The following SLC24A4 variants were observed in gnomAD, a reference collection of about 807,000 sequenced individuals.
SLC24A4 encodes the protein solute carrier family 24 member 4.
SLC24A4 carries 53 observed loss-of-function variants against 79.0 expected under a neutral mutation model. The observed-to-expected ratio is 0.67, with a 90% CI of 0.54 to 0.84. The LOEUF is 0.84. Ranked by LOEUF, SLC24A4 falls within the 40% of genes least tolerant of loss-of-function variation. The pLI is 0.00. For missense variants in SLC24A4, 731 were observed against 822.0 expected, an observed-to-expected ratio of 0.89 and a Z score of 1.35; for synonymous variants, 323 against 323.8, an observed-to-expected ratio of 1.00 and a Z score of 0.03.
intron 2 of SLC24A4, among the ~76,000 whole-genome samples, chr14:92,380,211 A>C (rs1168755985): frequency 6.6e-6 from 1 of 152,212 alleles, no homozygotes; most frequent in Admixed American, 6.5e-5. Context: ...GGCCAGAGGT[A>C]GAGCACCCAC....
chr14:92,493,908 A>C lies in SLC24A4; in HGVS notation c.*280A>C. The C allele has an allele frequency of 2.2e-6, 1 of 454,106 alleles. No individual in the cohort carries two copies. Among genetic ancestry groups the C allele is most frequent in the South Asian group, 2.8e-5 (1 of 36,032 alleles). 28.1% of individuals were successfully genotyped at this position (454,106 alleles called of 1,614,324 possible). The stretch of plus-strand genomic sequence containing the variant: ...AGCTGCCAACCACGGAGATGTGCCA[A>C]GCATCTCATCTCTCCTGCACACTTT... On this transcript the variant is annotated 3_prime_UTR_variant, in exon 17 of 17. Transcript: ENST00000532405.
At chr14:92,351,144 C>T (rs1219146489) in intron 2 of SLC24A4, among the ~76,000 whole-genome samples, 1 of 152,036 alleles carries the variant, frequency 6.6e-6, no homozygotes, top group Non-Finnish European at 1.5e-5. Flanking sequence ...AAGACATAAC[C>T]CTTGGGTACA....
rs769153058 is a variant in SLC24A4 at position 92,453,900 on chromosome 14, T to C, written c.881T>C (p.Val294Ala). ...DDPSVPLLGQ[V>A]KEKPQYGKNP... Reference sequence around the variant, plus strand: ...CTAATCACGGTGTTGCGCTCAACAGTGAAGGAGAAGCCACAGTATGGCAAG... The same window carrying C: ...CTAATCACGGTGTTGCGCTCAACAGCGAAGGAGAAGCCACAGTATGGCAAG... The change falls in exon 11 of 17, where the codon GTG (valine) becomes GCG (alanine). Residue 294 changes from valine (V) to alanine (A), a missense_variant and splice_region_variant. Physicochemically the swap from Val to Ala is moderately conservative, Grantham distance 64. Coordinates refer to ENST00000532405, the MANE Select transcript of SLC24A4 (RefSeq NM_153646.4). 1 of 1,609,386 alleles carries C rather than the reference T, an allele frequency of 6.2e-7. No homozygotes were observed. The highest frequency in any genetic ancestry group is 1.1e-5 in the South Asian group (1 of 90,170).
intron 2 of SLC24A4, among the ~76,000 whole-genome samples, chr14:92,386,400 T>G (rs946035728): frequency 2.0e-5 from 3 of 152,146 alleles, no homozygotes; most frequent in Admixed American, 6.5e-5. Context: ...CTTATTAGAA[T>G]GCACATAAAG....
intron 12 of SLC24A4, among the ~76,000 whole-genome samples, chr14:92,469,275 G>A (rs903292754): frequency 2.0e-5 from 3 of 152,102 alleles, no homozygotes; most frequent in Admixed American, 1.3e-4. Context: ...TTGGGAGACC[G>A]AGGTGGGCAG....
intron 2 of SLC24A4, among the ~76,000 whole-genome samples, chr14:92,352,758 C>A (rs1255709201): frequency 6.6e-6 from 1 of 152,136 alleles, no homozygotes; most frequent in Non-Finnish European, 1.5e-5. Context: ...TAAATTAGAG[C>A]AAGTTAGAGT....
At chr14:92,373,209 C>CATAT (rs1463037591) in intron 2 of SLC24A4, among the ~76,000 whole-genome samples, 6 of 24,356 alleles carry the variant, frequency 2.5e-4, no homozygotes, top group South Asian at 2.4e-3. Flanking sequence ...CACACACACA[C>CATAT]ACATATATAT....
intron 12 of SLC24A4, among the ~76,000 whole-genome samples, chr14:92,472,902 C>A (rs1027128154): frequency 3.3e-5 from 5 of 152,142 alleles, no homozygotes; most frequent in Non-Finnish European, 7.3e-5. Context: ...ACATTCCCAC[C>A]AGCCTGTAGA....
At chr14:92,467,051 C>T (rs986515149) in intron 12 of SLC24A4, among the ~76,000 whole-genome samples, 4 of 152,230 alleles carry the variant, frequency 2.6e-5, no homozygotes, top group Admixed American at 2.0e-4. Context: ...CCAACATCCA[C>T]CTGCATCTCT....
intron 7 of SLC24A4, 43 bp from the exon 8 acceptor site, chr14:92,445,274 A>T: frequency 6.2e-7 from 1 of 1,612,710 alleles, no homozygotes; most frequent in Non-Finnish European, 8.5e-7. Flanking sequence ...TTTGGAAATA[A>T]ATATGTCCCA....
At chr14:92,440,810 T>C (rs1892448746) in intron 4 of SLC24A4, among the ~76,000 whole-genome samples, 1 of 150,912 alleles carries the variant, frequency 6.6e-6, no homozygotes, top group Non-Finnish European at 1.5e-5. Flanking sequence ...GGAGGTGGCA[T>C]TGGGTCCAGG....
intron 2 of SLC24A4, among the ~76,000 whole-genome samples, chr14:92,403,108 A>G (rs571787476): frequency 3.4e-4 from 52 of 152,266 alleles, no homozygotes; most frequent in Middle Eastern, 6.8e-3. Context: ...GGAGTTGAGA[A>G]GACACACCTG....
intron 2 of SLC24A4, among the ~76,000 whole-genome samples, chr14:92,381,797 C>T (rs1323497440): frequency 6.6e-6 from 1 of 152,076 alleles, no homozygotes; most frequent in Admixed American, 6.5e-5. Context: ...TCAGGTCCCC[C>T]TCCTCTCCCA....
chr14:92,342,364 AT>A (rs1480846876), intron 2 of SLC24A4, among the ~76,000 whole-genome samples: 2 of 1,296 alleles, frequency 1.5e-3, no homozygotes, highest in African/African-American at 2.3e-3. Flanking sequence ...TTTTTTCCCC[AT>A]TTATTTATTT....
At chr14:92,384,293 C>G (rs968534790) in intron 2 of SLC24A4, among the ~76,000 whole-genome samples, 8 of 152,130 alleles carry the variant, frequency 5.3e-5, no homozygotes, top group Admixed American at 2.6e-4. Flanking sequence ...CTTTAAATTT[C>G]AGGCTGTGTT....
intron 4 of SLC24A4, among the ~76,000 whole-genome samples, chr14:92,440,875 G>A (rs994489190): frequency 4.6e-5 from 7 of 151,510 alleles, no homozygotes; most frequent in African/African-American, 1.7e-4. Flanking sequence ...GGGAAGGGAA[G>A]GGAAGGGCAT....
At position 92,362,298 on chromosome 14, in the gene SLC24A4, A is replaced by C. The variant is rs147472370; in HGVS notation, c.241+36320A>C. On this transcript the variant is annotated intron_variant, in intron 2 of 16. Coordinates refer to ENST00000532405, the MANE Select transcript of SLC24A4 (RefSeq NM_153646.4). ...CGGAGCTCCATTTCCAAGATGCCTG[A>C]ATGGAGGAACCTTGGCACCTGCAGC... Among the ~76,000 whole-genome samples, 24 of 152,076 alleles carry C rather than the reference A, an allele frequency of 1.6e-4. No individual in the cohort carries two copies. The East Asian group carries it at 4.7e-3, about 29-fold the overall frequency.
rs566724084 is a variant in SLC24A4 at position 92,382,957 on chromosome 14, CT to C, written c.242-50953del. ...AAAACCTGCACCACGGGACCTGCCT[CT>C]TCCCTCTCCAGCAGTGAGGCTGTTG... On this transcript the variant is annotated intron_variant, in intron 2 of 16. Coordinates refer to ENST00000532405, the MANE Select transcript of SLC24A4 (RefSeq NM_153646.4). Among the ~76,000 whole-genome samples, 70 of 152,326 alleles carry C rather than the reference CT, an allele frequency of 4.6e-4. No homozygotes were observed. In the East Asian group the frequency reaches 0.013, roughly 29 times the overall value.
At chr14:92,334,284 G>A (rs1885648517) in intron 2 of SLC24A4, among the ~76,000 whole-genome samples, 1 of 152,194 alleles carries the variant, frequency 6.6e-6, no homozygotes, top group African/African-American at 2.4e-5. Context: ...CCTGAGAAGG[G>A]CAGCCTCCGG....
Sources: allele counts gnomAD v4.1 joint callset (sites outside exome capture counted in the v4.1 genomes callset), GRCh38; gene constraint gnomAD v4.1.1; transcripts MANE v1.5; gene names NCBI Gene and HGNC (gene_info 2026-07-23, HGNC 2026-07-21).